Variants in KCND3 observed in about 807,000 individuals in gnomAD.
KCND3 encodes potassium voltage-gated channel subfamily D member 3.
KCND3 carries 9 observed loss-of-function variants against 51.1 expected under a neutral mutation model. That is an observed-to-expected ratio of 0.18 (90% confidence interval 0.11 to 0.31). The LOEUF is 0.31. KCND3 is among the 10% of genes least tolerant of loss of function. The pLI is 1.00. For synonymous variants in KCND3, 349 were observed against 368.0 expected (o/e 0.95, Z 0.59); for missense variants, 526 against 903.8 (o/e 0.58, Z 5.36).
intron 2 of KCND3, among the ~76,000 whole-genome samples, chr1:111,965,000 G>A (rs72977029): frequency 0.021 from 3,238 of 152,258 alleles, 51 homozygotes; most frequent in Middle Eastern, 0.031. Flanking sequence ...TTTGTTGAGC[G>A]GATAAAGGAA....
At position 111,861,320 on chromosome 1, in the gene KCND3, A is replaced by G. The variant is rs79382742; in HGVS notation, c.1107-74214T>C. 9.8e-3 allele frequency among the ~76,000 whole-genome samples: 1,488 copies of G among 152,288 alleles called. 21 individuals are homozygous for G. The highest frequency in any genetic ancestry group is 0.032 in the African/African-American group (1,349 of 41,548). ...TGAGTTTACACCCTGGGTTCCAACC[A>G]AGATGTGCTCTAACTTCAGGCTGAG... On this transcript the variant is annotated intron_variant, in intron 2 of 7. Transcript: ENST00000302127.
chr1:111,983,651 G>C (rs997669275), intron 1 of KCND3, among the ~76,000 whole-genome samples: 1 of 151,976 alleles, frequency 6.6e-6, no homozygotes, highest in African/African-American at 2.4e-5. Context: ...GCTCACTGCC[G>C]TCCCTAGATT....
intron 2 of KCND3, among the ~76,000 whole-genome samples, chr1:111,803,518 C>A (rs817978): frequency 0.22 from 33,383 of 152,092 alleles, 3,825 homozygotes; most frequent in Admixed American, 0.26. Context: ...CAAGCCCCCA[C>A]ATGGACACAT....
chr1:111,873,169 T>C (rs1480510366), intron 2 of KCND3, among the ~76,000 whole-genome samples: 1 of 152,240 alleles, frequency 6.6e-6, no homozygotes, highest in Non-Finnish European at 1.5e-5. Flanking sequence ...ATTGTTCCCT[T>C]GTGCAGTATC....
chr1:111,979,196 T>G (rs1674806237), intron 2 of KCND3, among the ~76,000 whole-genome samples: 1 of 152,172 alleles, frequency 6.6e-6, no homozygotes, highest in Admixed American at 6.5e-5. Context: ...CACCTTTCCT[T>G]TCACCCTCCA....
At chr1:111,934,678 C>T (rs1357173985) in intron 2 of KCND3, among the ~76,000 whole-genome samples, 1 of 152,198 alleles carries the variant, frequency 6.6e-6, no homozygotes, top group Non-Finnish European at 1.5e-5. Context: ...TGTGTGCGTA[C>T]TCTGAATCTG....
chr1:111,883,580 C>CTT (rs1669435720), intron 2 of KCND3, among the ~76,000 whole-genome samples: 1 of 152,178 alleles, frequency 6.6e-6, no homozygotes, highest in Non-Finnish European at 1.5e-5. Context: ...GATAAGAAAA[C>CTT]AGAGGCTTAG....
At chr1:111,832,925 CAT>C (rs1666906002) in intron 2 of KCND3, among the ~76,000 whole-genome samples, 1 of 152,208 alleles carries the variant, frequency 6.6e-6, no homozygotes, top group Admixed American at 6.5e-5. Context: ...AGCAAACAGA[CAT>C]CATACTGGGT....
At position 111,989,573 on chromosome 1, in the gene KCND3, C is replaced by T. The variant is rs1185603225; in HGVS notation, c.-141G>A. Among the ~76,000 whole-genome samples, 1 of 148,568 alleles carries T rather than the reference C, an allele frequency of 6.7e-6. No homozygotes were observed. The highest frequency in any genetic ancestry group is 1.5e-5 in the Non-Finnish European group (1 of 66,780). On this transcript the variant is annotated 5_prime_UTR_variant, in exon 1 of 8. Transcript: ENST00000302127. The stretch of plus-strand genomic sequence containing the variant: ...GCGCGAGGAAGCTGCGGCCGGGAGC[C>T]GGGGCCGCGGAGGCGCCGAGCGCCC...
At chr1:111,777,301 G>A in intron 6 of KCND3, 28 bp from the exon 7 acceptor site, 1 of 1,612,850 alleles carries the variant, frequency 6.2e-7, no homozygotes, top group African/African-American at 1.3e-5. Flanking sequence ...AGAAGAAGTA[G>A]GAAAAGGAGG....
intron 2 of KCND3, among the ~76,000 whole-genome samples, chr1:111,839,972 A>G (rs928628825): frequency 5.3e-5 from 8 of 152,238 alleles, no homozygotes; most frequent in African/African-American, 1.7e-4. Context: ...TGGATTATAA[A>G]CAACAAACAT....
At chr1:111,855,605 T>C (rs1412779121) in intron 2 of KCND3, among the ~76,000 whole-genome samples, 3 of 152,108 alleles carry the variant, frequency 2.0e-5, no homozygotes, top group African/African-American at 7.2e-5. Flanking sequence ...GGGGTACATA[T>C]CCTTGGGGCA....
chr1:111,983,579 C>T (rs1675094384), intron 1 of KCND3, among the ~76,000 whole-genome samples: 1 of 152,154 alleles, frequency 6.6e-6, no homozygotes, highest in African/African-American at 2.4e-5. Context: ...GGCGTCTTGG[C>T]TTCTTGGTTC....
chr1:111,822,499 G>C lies in KCND3; in HGVS notation c.1107-35393C>G, dbSNP rs559246790. ...TGTCTGGCTTATTTTTCTTACCACA[G>C]TGTCTTCAAGGTTCATCTATGTTGT... On this transcript the variant is annotated intron_variant, in intron 2 of 7. Transcript: ENST00000302127. Among the ~76,000 whole-genome samples, 8 of 152,278 alleles carry C rather than the reference G, an allele frequency of 5.3e-5. No homozygotes were observed. The South Asian group carries it at 6.2e-4, about 12-fold the overall frequency.
At chr1:111,791,093 G>A (rs954052522) in intron 2 of KCND3, among the ~76,000 whole-genome samples, 14 of 152,216 alleles carry the variant, frequency 9.2e-5, no homozygotes, top group African/African-American at 3.4e-4. Flanking sequence ...CGGTAACTAT[G>A]TTGAATAGTT....
intron 2 of KCND3, among the ~76,000 whole-genome samples, chr1:111,851,744 A>G (rs1444640098): frequency 6.6e-6 from 1 of 152,218 alleles, no homozygotes; most frequent in Non-Finnish European, 1.5e-5. Flanking sequence ...ATCTGGCACA[A>G]TGCGAACACT....
At chr1:111,841,910 G>A (rs1052662503) in intron 2 of KCND3, among the ~76,000 whole-genome samples, 17 of 152,238 alleles carry the variant, frequency 1.1e-4, no homozygotes, top group African/African-American at 4.1e-4. Context: ...CTATGCCCAA[G>A]CGGCCCTGGG....
intron 2 of KCND3, among the ~76,000 whole-genome samples, chr1:111,949,651 C>T (rs781741221): frequency 1.3e-5 from 2 of 152,124 alleles, no homozygotes; most frequent in African/African-American, 2.4e-5. Flanking sequence ...CTCTCTCCCC[C>T]TTCCCCCTCC....
intron 2 of KCND3, among the ~76,000 whole-genome samples, chr1:111,936,605 A>G (rs556851393): frequency 6.6e-6 from 1 of 151,800 alleles, no homozygotes; most frequent in African/African-American, 2.4e-5. Context: ...TGTGGGAAGC[A>G]GCAGTCAGAA....
Sources: gnomAD v4.1 joint callset for allele counts (sites outside exome capture counted in the v4.1 genomes callset) on GRCh38, gnomAD v4.1.1 for gene constraint, MANE v1.5 for transcripts, NCBI Gene and HGNC (gene_info 2026-07-23, HGNC 2026-07-21) for gene names.